The following NBEA variants were observed in gnomAD, a reference collection of about 807,000 sequenced individuals.
NBEA encodes neurobeachin.
A neutral mutation model predicts 343.4 loss-of-function variants in NBEA; 44 were observed. That is an observed-to-expected ratio of 0.13 (90% CI 0.10 to 0.16). The LOEUF (loss-of-function observed/expected upper bound fraction) is 0.16. Among genes scored for constraint, NBEA ranks in the 10% least tolerant of loss-of-function variants. NBEA has a pLI of 1.00. For synonymous variants in NBEA, 1,175 were observed against 1,238.7 expected, an observed-to-expected ratio of 0.95 and a Z score of 1.08; for missense variants, 2,555 against 3,631.3, an observed-to-expected ratio of 0.70 and a Z score of 7.62.
chr13:35,052,891 G>T (rs1402185698), intron 6 of NBEA, among the ~76,000 whole-genome samples: 4 of 151,922 alleles, frequency 2.6e-5, no homozygotes, highest in Admixed American at 6.6e-5. Flanking sequence ...TAATTTTTCT[G>T]TATTAATTAT....
At chr13:35,561,366 G>T (rs1185071637) in intron 44 of NBEA, among the ~76,000 whole-genome samples, 1 of 152,066 alleles carries the variant, frequency 6.6e-6, no homozygotes, top group Non-Finnish European at 1.5e-5. Context: ...ATTGGAATCT[G>T]GTTGACAAGA....
intron 34 of NBEA, among the ~76,000 whole-genome samples, chr13:35,253,499 A>G (rs2032221831): frequency 6.6e-6 from 1 of 152,202 alleles, no homozygotes; most frequent in African/African-American, 2.4e-5. Flanking sequence ...TTATCGTGAT[A>G]CTTGCTTCAT....
At chr13:35,108,883 A>G (rs2152655861) in intron 11 of NBEA, among the ~76,000 whole-genome samples, 1 of 152,278 alleles carries the variant, frequency 6.6e-6, no homozygotes, top group African/African-American at 2.4e-5. Context: ...ATAATATTTT[A>G]AGCAGTATTT....
At chr13:35,251,560 T>C in intron 34 of NBEA, 1 of 1,190,870 alleles carries the variant, frequency 8.4e-7, no homozygotes, top group Non-Finnish European at 1.1e-6. Context: ...GCATGTGACC[T>C]TCAGGAAGGC....
intron 41 of NBEA, among the ~76,000 whole-genome samples, chr13:35,526,473 C>T (rs1010329925): frequency 6.6e-6 from 1 of 152,116 alleles, no homozygotes; most frequent in African/African-American, 2.4e-5. Context: ...TGGTGAAAAC[C>T]CGTCTCTACT....
chr13:35,372,788 G>C (rs901390811), intron 38 of NBEA, among the ~76,000 whole-genome samples: 8 of 152,092 alleles, frequency 5.3e-5, no homozygotes, highest in Non-Finnish European at 1.0e-4. Flanking sequence ...GTTGGCAGCA[G>C]CCAACAGCAT....
intron 48 of NBEA, among the ~76,000 whole-genome samples, chr13:35,615,605 A>G (rs991261747): frequency 6.6e-6 from 1 of 152,064 alleles, no homozygotes; most frequent in African/African-American, 2.4e-5. Context: ...TCAGCCTCCA[A>G]AAGTGCTGGG....
At position 35,349,091 on chromosome 13, in the gene NBEA, G is replaced by A; in HGVS notation, c.5904-17G>A. On this transcript the variant is annotated splice_polypyrimidine_tract_variant and intron_variant, in intron 36 of 58. Transcript: ENST00000379939. ...AGCTATTAAGAATAATATTTCTAAA[G>A]GTATTTTTCTTTTTAGATTACTGTG... The A allele has an allele frequency of 7.2e-7, 1 of 1,396,510 alleles. No homozygotes were observed. Among genetic ancestry groups the A allele is most frequent in the Non-Finnish European group, 9.8e-7 (1 of 1,022,132 alleles). 86.5% of individuals were successfully genotyped at this position (1,396,510 alleles called of 1,614,324 possible). A position where few individuals can be genotyped will look rare whatever the true frequency, so the allele number is the denominator to read the frequency against.
chr13:35,234,566 G>C (rs1370792419), intron 34 of NBEA, among the ~76,000 whole-genome samples: 1 of 152,108 alleles, frequency 6.6e-6, no homozygotes, highest in East Asian at 1.9e-4. Flanking sequence ...AGGTACAGTG[G>C]GAAATGAGAC....
intron 40 of NBEA, among the ~76,000 whole-genome samples, chr13:35,453,232 G>T (rs1051001208): frequency 6.6e-6 from 1 of 152,110 alleles, no homozygotes; most frequent in African/African-American, 2.4e-5. Context: ...ATTATAAACT[G>T]GAGATAGCAC....
At chr13:35,387,267 T>G (rs929999571) in intron 38 of NBEA, among the ~76,000 whole-genome samples, 1 of 152,170 alleles carries the variant, frequency 6.6e-6, no homozygotes. Context: ...TTTATGGGTC[T>G]TGGATATTCA....
chr13:35,609,076 A>T (rs1344074719), intron 48 of NBEA, among the ~76,000 whole-genome samples: 1 of 152,206 alleles, frequency 6.6e-6, no homozygotes, highest in African/African-American at 2.4e-5. Context: ...GACATGGTTA[A>T]TGCAGATCAT....
chr13:35,294,514 T>C (rs980078996), intron 35 of NBEA, among the ~76,000 whole-genome samples: 5 of 152,122 alleles, frequency 3.3e-5, no homozygotes, highest in African/African-American at 1.2e-4. Flanking sequence ...TTCCCCGTTG[T>C]CTTTGGAAAT....
chr13:35,244,282 T>TTG (rs2030835526), intron 34 of NBEA, among the ~76,000 whole-genome samples: 5 of 151,892 alleles, frequency 3.3e-5, no homozygotes, highest in South Asian at 2.1e-4. Context: ...AAAAAATCAA[T>TTG]ATTTTTTTAT....
At chr13:35,493,863 C>A (rs544538226) in intron 41 of NBEA, among the ~76,000 whole-genome samples, 124 of 151,654 alleles carry the variant, frequency 8.2e-4, no homozygotes, top group Non-Finnish European at 1.4e-3. Flanking sequence ...GCAACATATA[C>A]CTTCCTGAAA....
chr13:35,656,355 C>A lies in NBEA; in HGVS notation c.8362+606C>A, dbSNP rs181466620. On this transcript the variant is annotated intron_variant, in intron 55 of 58. Transcript: ENST00000379939. ...GAAAGCGTTGGGAGAGGCTGGACTC[C>A]TTCGTGAAATAATTTTGGAGTACAG... 4.5e-4 allele frequency among the ~76,000 whole-genome samples: 69 copies of A among 152,278 alleles called. 1 individual carries two copies. The highest frequency in any genetic ancestry group is 1.6e-3 in the African/African-American group (67 of 41,560).
At chr13:35,130,325 A>G (rs186813108) in intron 17 of NBEA, among the ~76,000 whole-genome samples, 2 of 152,222 alleles carry the variant, frequency 1.3e-5, no homozygotes, top group East Asian at 3.9e-4. Context: ...GTGGAAATGT[A>G]AAGGATGAGT....
intron 34 of NBEA, among the ~76,000 whole-genome samples, chr13:35,276,403 G>A (rs554961559): frequency 6.6e-6 from 1 of 152,234 alleles, no homozygotes; most frequent in Non-Finnish European, 1.5e-5. Flanking sequence ...ACAAGGTAAT[G>A]TAATGAAAGG....
chr13:35,207,125 A>G (rs992531677), intron 31 of NBEA, among the ~76,000 whole-genome samples: 7 of 151,974 alleles, frequency 4.6e-5, no homozygotes, highest in African/African-American at 1.7e-4. Flanking sequence ...GTATTATACA[A>G]AATGTTTTAA....
Sources: gnomAD v4.1 joint callset for allele counts (sites outside exome capture counted in the v4.1 genomes callset) on GRCh38, gnomAD v4.1.1 for gene constraint, MANE v1.5 for transcripts, NCBI Gene and HGNC (gene_info 2026-07-23, HGNC 2026-07-21) for gene names.